The following FGGY variants were observed in gnomAD, a reference collection of about 807,000 sequenced individuals.
FGGY encodes the protein FGGY carbohydrate kinase domain-containing protein.
In FGGY, 72 loss-of-function variants were observed where a neutral mutation model predicts 71.3. The observed-to-expected ratio is 1.01, with a 90% CI of 0.84 to 1.23. The LOEUF (loss-of-function observed/expected upper bound fraction) is 1.23. Among genes scored for constraint, FGGY ranks in the 50% most tolerant of loss-of-function variants. The probability of loss-of-function intolerance (pLI) is 0.00; values close to 1 mark genes in which losing one functional copy is unlikely to be tolerated. For missense variants in FGGY, 668 were observed against 682.3 expected (o/e 0.98, Z 0.23); for synonymous variants, 251 against 250.3 (o/e 1.00, Z -0.02).
chr1:59,569,784 C>T (rs2095948487), intron 8 of FGGY, among the ~76,000 whole-genome samples: 1 of 152,154 alleles, frequency 6.6e-6, no homozygotes, highest in Admixed American at 6.6e-5. Context: ...GTGAATCAGT[C>T]AGAGCAGATG....
In FGGY at chr1:59,491,056, T is replaced by TCCCCTCCC. The variant is rs1316012294; in HGVS notation, c.671-21255_671-21254insCCCCTCCC. Among the ~76,000 whole-genome samples the TCCCCTCCC allele has an allele frequency of 4.2e-3, 86 of 20,444 alleles. 14 individuals carry two copies. Among genetic ancestry groups the TCCCCTCCC allele is most frequent in the African/African-American group, 6.7e-3 (21 of 3,142 alleles). 13.4% of individuals were successfully genotyped at this position (20,444 alleles called of 152,430 possible). On this transcript the variant is annotated intron_variant, in intron 6 of 15. Transcript: ENST00000303721. Reference sequence around the variant, plus strand: ...TTCCTTTCCTTCCTTCCTTCCTTCCTTCCTTCCTTCCTTCCTTCCTTCCTT... The same window carrying TCCCCTCCC: ...TTCCTTTCCTTCCTTCCTTCCTTCCTCCCCTCCCTCCTTCCTTCCTTCCTTCCTTCCTT...
At chr1:59,433,746 C>T (rs530539521) in intron 5 of FGGY, among the ~76,000 whole-genome samples, 3 of 152,300 alleles carry the variant, frequency 2.0e-5, no homozygotes, top group South Asian at 2.1e-4. Flanking sequence ...TCTCATTCTT[C>T]GCCAGCTCCG....
At chr1:59,493,482 C>A (rs915967186) in intron 6 of FGGY, among the ~76,000 whole-genome samples, 1 of 152,070 alleles carries the variant, frequency 6.6e-6, no homozygotes, top group African/African-American at 2.4e-5. Context: ...ATGACACATA[C>A]TATAGCATGG....
intron 4 of FGGY, among the ~76,000 whole-genome samples, chr1:59,372,142 T>A (rs1270141475): frequency 6.6e-6 from 1 of 151,686 alleles, no homozygotes; most frequent in Non-Finnish European, 1.5e-5. Flanking sequence ...TTTGAAAGGA[T>A]CAACAAAATT....
chr1:59,534,952 T>A (rs1033748131), intron 7 of FGGY, among the ~76,000 whole-genome samples: 1 of 151,652 alleles, frequency 6.6e-6, no homozygotes, highest in African/African-American at 2.4e-5. Context: ...GCTAACATCA[T>A]AATGACAGGA....
At chr1:59,368,312 A>G (rs1472170301) in intron 4 of FGGY, among the ~76,000 whole-genome samples, 1 of 152,192 alleles carries the variant, frequency 6.6e-6, no homozygotes, top group Non-Finnish European at 1.5e-5. Context: ...TTTCTTCTGT[A>G]AAGAGTGGCA....
rs1311418892 is a variant in FGGY at position 59,512,336 on chromosome 1, T to C, written c.696T>C (p.Ala232=). ...GAAACCAAGTGCTACCTCCTGGAGC[T>C]TCTCTTGGAAATGGGCTCACACCAG... ...KIGNQVLPPG[A]SLGNGLTPEA... is the part of the protein sequence containing the mutation. The change falls in exon 7 of 16, where the codon GCT becomes GCC. Residue 232 remains alanine, a synonymous_variant. Coordinates refer to ENST00000303721, the MANE Select transcript of FGGY (RefSeq NM_018291.5). The C allele has an allele frequency of 6.2e-7, 1 of 1,611,844 alleles. No homozygotes were observed. Among genetic ancestry groups the C allele is most frequent in the Non-Finnish European group, 8.5e-7 (1 of 1,178,784 alleles).
At chr1:59,676,422 A>G (rs1195715810) in intron 14 of FGGY, among the ~76,000 whole-genome samples, 1 of 151,680 alleles carries the variant, frequency 6.6e-6, no homozygotes, top group Non-Finnish European at 1.5e-5. Context: ...AAGAAATGCC[A>G]TAGGTCACAA....
intron 5 of FGGY, among the ~76,000 whole-genome samples, chr1:59,391,276 C>T (rs1415619947): frequency 2.0e-5 from 3 of 152,104 alleles, no homozygotes; most frequent in Non-Finnish European, 4.4e-5. Context: ...CCAGCCCAAC[C>T]TGAGTTCAGA....
intron 7 of FGGY, among the ~76,000 whole-genome samples, chr1:59,523,222 C>T (rs751240028): frequency 1.1e-4 from 16 of 152,192 alleles, no homozygotes; most frequent in Non-Finnish European, 1.8e-4. Flanking sequence ...ATTGCACTTG[C>T]GTCACTGGCT....
intron 8 of FGGY, among the ~76,000 whole-genome samples, chr1:59,595,283 C>G (rs984412656): frequency 1.3e-5 from 2 of 150,982 alleles, no homozygotes; most frequent in African/African-American, 4.9e-5. Flanking sequence ...GCCTTCCCTC[C>G]CTTTTCCCCC....
intron 5 of FGGY, among the ~76,000 whole-genome samples, chr1:59,390,551 T>TA (rs2060575141): frequency 6.6e-6 from 1 of 152,172 alleles, no homozygotes; most frequent in Admixed American, 6.5e-5. Context: ...ACAATCTTCT[T>TA]AGAAGATCTA....
At chr1:59,592,843 A>T (rs1018088296) in intron 8 of FGGY, among the ~76,000 whole-genome samples, 2 of 151,992 alleles carry the variant, frequency 1.3e-5, no homozygotes, top group African/African-American at 4.8e-5. Flanking sequence ...CTAAATGACG[A>T]GTTAATGGGT....
chr1:59,296,440 C>T (rs1045472326), upstream of FGGY, among the ~76,000 whole-genome samples: 1 of 152,224 alleles, frequency 6.6e-6, no homozygotes, highest in East Asian at 1.9e-4. Context: ...GCGGAGAGTC[C>T]GCCTGGGTAA....
At chr1:59,713,429 A>G (rs1229872581) in intron 14 of FGGY, among the ~76,000 whole-genome samples, 1 of 152,008 alleles carries the variant, frequency 6.6e-6, no homozygotes, top group South Asian at 2.1e-4. Flanking sequence ...TGGGTGACAC[A>G]CTCGTGCAGC....
chr1:59,686,311 T>C (rs187565451), intron 14 of FGGY, among the ~76,000 whole-genome samples: 2 of 152,148 alleles, frequency 1.3e-5, no homozygotes, highest in Non-Finnish European at 2.9e-5. Flanking sequence ...CTAAAGCTTT[T>C]TACAAGCCTG....
intron 14 of FGGY, among the ~76,000 whole-genome samples, chr1:59,752,504 C>G (rs2098254202): frequency 6.6e-6 from 1 of 152,188 alleles, no homozygotes; most frequent in African/African-American, 2.4e-5. Context: ...ATTCCCCTTC[C>G]TCAGGGTAGG....
intron 2 of FGGY, 75 bp from the exon 3 acceptor site, chr1:59,339,883 C>T (rs2050310972): frequency 6.2e-6 from 5 of 811,152 alleles, no homozygotes; most frequent in Admixed American, 2.7e-5. Flanking sequence ...TCATTCCTTC[C>T]TTCTAGTTGT....
At chr1:59,550,432 A>T (rs988727534) in intron 7 of FGGY, among the ~76,000 whole-genome samples, 38 of 152,192 alleles carry the variant, frequency 2.5e-4, no homozygotes, top group African/African-American at 8.4e-4. Context: ...TCTTGCAGTG[A>T]ACATCAGCTA....
Sources: gnomAD v4.1 joint callset for allele counts (sites outside exome capture counted in the v4.1 genomes callset) on GRCh38, gnomAD v4.1.1 for gene constraint, MANE v1.5 for transcripts, NCBI Gene and HGNC (gene_info 2026-07-23, HGNC 2026-07-21) for gene names.